TSGA10IP: variants seen among roughly 807,000 people sequenced by gnomAD.
The protein encoded by TSGA10IP is testis specific 10 interacting protein.
Under a neutral mutation model 63.2 loss-of-function variants are expected in TSGA10IP, and 64 were observed. That is an observed-to-expected ratio of 1.01 (90% CI 0.83 to 1.25). The LOEUF is 1.25. Among genes scored for constraint, TSGA10IP ranks in the 50% most tolerant of loss-of-function variants. TSGA10IP has a pLI of 0.00. For synonymous variants in TSGA10IP, 316 were observed against 298.3 expected (o/e 1.06, Z -0.61); for missense variants, 681 against 710.1 (o/e 0.96, Z 0.47).
intron 4 of TSGA10IP, among the ~76,000 whole-genome samples, chr11:65,950,340 G>T (rs1034600444): frequency 4.4e-4 from 67 of 151,984 alleles, no homozygotes; most frequent in Admixed American, 9.9e-4. Flanking sequence ...CACAAACCCA[G>T]TGAGGACTTG....
At chr11:65,948,214 A>G (rs754626627) in intron 4 of TSGA10IP, 66 bp downstream of exon 4, 1 of 1,512,514 alleles carries the variant, frequency 6.6e-7, no homozygotes, top group Non-Finnish European at 8.9e-7. Flanking sequence ...CTTCTCCAAG[A>G]GATGCTTAGG....
At chr11:65,946,263 T>C (rs1455922999) in intron 1 of TSGA10IP, among the ~76,000 whole-genome samples, 1 of 152,122 alleles carries the variant, frequency 6.6e-6, no homozygotes, top group Non-Finnish European at 1.5e-5. Flanking sequence ...GAGCCTCAGC[T>C]TTCTCCTCCA....
rs1357746313 is a variant in TSGA10IP, at chr11:65,956,135, C to CTT, written c.1322+2416_1322+2417dup. Reference sequence around the variant, plus strand: ...TATCACCTACTCTTTGAGGCTCAGTCTTTTTTTTTTTTTTTTTTTGAGACA... The same window carrying CTT: ...TATCACCTACTCTTTGAGGCTCAGTCTTTTTTTTTTTTTTTTTTTTTGAGACA... On this transcript the variant is annotated intron_variant, in intron 5 of 7. Transcript: ENST00000532620. 4.0e-4 allele frequency among the ~76,000 whole-genome samples: 44 copies of CTT among 109,138 alleles called. 1 individual carries two copies. The highest frequency in any genetic ancestry group is 8.6e-3 in the Middle Eastern group (2 of 232). The allele number at this position is 109,138 out of a possible 152,430, so 71.6% of individuals were successfully genotyped here. A position where few individuals can be genotyped will look rare whatever the true frequency, so the allele number is the denominator to read the frequency against.
rs184590146 is a variant in TSGA10IP at position 65,956,176 on chromosome 11, T to C, written c.1322+2439T>C. On this transcript the variant is annotated intron_variant, in intron 5 of 7. Coordinates refer to ENST00000532620, the Ensembl canonical transcript of TSGA10IP. ...TTTTGAGACAGAGTTTCGCTCTTGT[T>C]GCCCAAGCTGGAGTGCAATGGCGCG... Among the ~76,000 whole-genome samples the C allele has an allele frequency of 6.3e-3, 952 of 151,362 alleles. 7 individuals carry two copies. Among genetic ancestry groups the C allele is most frequent in the African/African-American group, 0.021 (869 of 41,108 alleles).
At chr11:65,958,958 C>G in exon 6 of TSGA10IP, 2 of 1,613,264 alleles carry the variant, frequency 1.2e-6, no homozygotes, top group East Asian at 4.5e-5. Flanking sequence ...AGGCCCGGCC[C>G]TTCCTGTTCC....
chr11:65,950,144 C>G (rs1854920294), intron 4 of TSGA10IP, among the ~76,000 whole-genome samples: 1 of 152,066 alleles, frequency 6.6e-6, no homozygotes, highest in African/African-American at 2.4e-5. Flanking sequence ...AGCCACCACT[C>G]CCGGTCTTAC....
chr11:65,956,508 G>A (rs924874265), intron 5 of TSGA10IP, among the ~76,000 whole-genome samples: 1 of 151,532 alleles, frequency 6.6e-6, no homozygotes, highest in Non-Finnish European at 1.5e-5. Context: ...GTGTGTTTTG[G>A]GGGACTGCTT....
At chr11:65,953,760 G>A in intron 5 of TSGA10IP, 23 bp downstream of exon 5, 2 of 1,490,932 alleles carry the variant, frequency 1.3e-6, no homozygotes, top group Non-Finnish European at 1.8e-6. Flanking sequence ...GGCTTCGGGA[G>A]GCCTGGTTGG....
chr11:65,947,923 T>G (rs1361987500), intron 3 of TSGA10IP, 78 bp from the exon 4 acceptor site: 6 of 1,516,816 alleles, frequency 4.0e-6, no homozygotes, highest in Non-Finnish European at 5.3e-6. Context: ...GGCTGGGCTG[T>G]GCTCTGGGTG....
At chr11:65,946,967 A>G in exon 2 of TSGA10IP, 1 of 1,613,976 alleles carries the variant, frequency 6.2e-7, no homozygotes, top group Non-Finnish European at 8.5e-7. Context: ...GAAGGACCGC[A>G]AGCCCAGGGG....
At chr11:65,947,872 G>T in intron 3 of TSGA10IP, 44 bp downstream of exon 3, 1 of 1,516,170 alleles carries the variant, frequency 6.6e-7, no homozygotes, top group Non-Finnish European at 8.8e-7. Flanking sequence ...AAGCTACACC[G>T]CAGGGAACAG....
At chr11:65,945,680 G>T in exon 1 of TSGA10IP, 2 of 1,612,724 alleles carry the variant, frequency 1.2e-6, no homozygotes, top group Non-Finnish European at 8.5e-7. Flanking sequence ...GGCAGGATGG[G>T]GCAGGACACC....
intron 3 of TSGA10IP, 66 bp from the exon 4 acceptor site, chr11:65,947,935 T>TG: frequency 1.3e-6 from 2 of 1,524,082 alleles, no homozygotes; most frequent in African/African-American, 1.4e-5. Context: ...CTCTGGGTGC[T>TG]GGGGGGCGTT....
intron 1 of TSGA10IP, among the ~76,000 whole-genome samples, chr11:65,946,085 A>G (rs563887346): frequency 5.3e-5 from 8 of 152,018 alleles, no homozygotes; most frequent in Non-Finnish European, 1.2e-4. Context: ...AAAGATGAAG[A>G]CCACCTTGAT....
chr11:65,954,701 C>G lies in TSGA10IP; in HGVS notation c.1322+964C>G, dbSNP rs373591002. ...GGTGCGGTGGCACATACCTGTAATC[C>G]TAGCTATTCGGGAGGCTGAGGCAGG... On this transcript the variant is annotated intron_variant, in intron 5 of 7. Transcript: ENST00000532620. 6.6e-5 allele frequency among the ~76,000 whole-genome samples: 10 copies of G among 151,860 alleles called. No homozygotes were observed. In the South Asian group the frequency reaches 2.1e-3, roughly 32 times the overall value.
At chr11:65,949,567 C>A (rs1854906954) in intron 4 of TSGA10IP, among the ~76,000 whole-genome samples, 1 of 152,056 alleles carries the variant, frequency 6.6e-6, no homozygotes, top group Non-Finnish European at 1.5e-5. Context: ...CAGGAGCCCA[C>A]CACCACGCCT....
At chr11:65,958,296 T>C (rs981448553) in intron 5 of TSGA10IP, among the ~76,000 whole-genome samples, 11 of 152,208 alleles carry the variant, frequency 7.2e-5, no homozygotes, top group African/African-American at 2.7e-4. Context: ...AACCCTGATC[T>C]CTCAGGGGTG....
chr11:65,948,001 GC>G lies in TSGA10IP; in HGVS notation c.1009del (p.Gln337LysfsTer8), dbSNP rs1565305916. 1 of 1,558,218 alleles carries G rather than the reference GC, an allele frequency of 6.4e-7. No homozygotes were observed. The highest frequency in any genetic ancestry group is 8.7e-7 in the Non-Finnish European group (1 of 1,150,858). ...CCTGACTTGGTCCCACTGTGGGCAG[GC>G]CCCCAAAAGCTGCCCTGGAAGACTT... On this transcript the variant is annotated frameshift_variant and splice_region_variant, in exon 4 of 8. Transcript: ENST00000532620. LOFTEE classifies it high-confidence loss of function.
chr11:65,951,559 A>G (rs534492187), intron 4 of TSGA10IP, among the ~76,000 whole-genome samples: 2 of 36,076 alleles, frequency 5.5e-5, no homozygotes, highest in Non-Finnish European at 1.2e-4. Context: ...TTATTTTGAG[A>G]TGGAGTCTCG....
Sources: gnomAD v4.1 joint callset for allele counts (sites outside exome capture counted in the v4.1 genomes callset) on GRCh38, gnomAD v4.1.1 for gene constraint, MANE v1.5 for transcripts, NCBI Gene and HGNC (gene_info 2026-07-23, HGNC 2026-07-21) for gene names.